GIT1: variants seen among roughly 807,000 people sequenced by gnomAD.
GIT1 encodes the protein ARF GTPase-activating protein GIT1.
A neutral mutation model predicts 91.7 loss-of-function variants in GIT1; 14 were observed. The ratio of observed to expected loss-of-function variants is 0.15; its 90% CI spans 0.10 to 0.24. The LOEUF is 0.24. GIT1 is among the 10% of genes least tolerant of loss of function. The pLI, the probability that GIT1 is intolerant of heterozygous loss-of-function variation, is 1.00. For missense variants in GIT1, 717 were observed against 1,024.9 expected, an observed-to-expected ratio of 0.70 and a Z score of 4.10; for synonymous variants, 414 against 418.2, an observed-to-expected ratio of 0.99 and a Z score of 0.12.
At chr17:29,579,062 G>T in intron 7 of GIT1, 2 of 1,357,822 alleles carry the variant, frequency 1.5e-6, no homozygotes, top group Non-Finnish European at 2.1e-6. Context: ...GGCAGCACAC[G>T]CCTTTTCACA....
chr17:29,578,844 C>T, intron 7 of GIT1, 65 bp from the exon 8 acceptor site: 1 of 1,570,488 alleles, frequency 6.4e-7, no homozygotes, highest in Non-Finnish European at 8.8e-7. Flanking sequence ...CAGGCCCATG[C>T]CAGCAACCTC....
In GIT1 at chr17:29,582,070, G is replaced by T. The variant is rs371785841; in HGVS notation, c.480C>A (p.Asn160Lys). ...TGGTGCCCTTCTCTGGGTGGAAGAA[G>T]TTGGCCTGGGCACCCAGGGAGAGCA... Reference protein sequence around the residue: ...LRLLSLGAQANFFHPEKGTTP... With the variant: ...LRLLSLGAQAKFFHPEKGTTP... The change falls in exon 5 of 20, where the codon AAC becomes AAA. Residue 160 changes from asparagine to lysine, a missense_variant. By Grantham distance (94) the Asn-to-Lys change is moderately conservative (BLOSUM62 0). Transcript: ENST00000225394. The T allele has an allele frequency of 1.6e-5, 25 of 1,608,888 alleles. No individual in the cohort carries two copies. The highest frequency in any genetic ancestry group is 2.0e-5 in the Non-Finnish European group (24 of 1,179,910).
rs1424817143 is a variant in GIT1, at chr17:29,582,147, A to G, written c.406-3T>C. 6 of 1,557,258 alleles carry G rather than the reference A, an allele frequency of 3.9e-6. No homozygotes were observed. The highest frequency in any genetic ancestry group is 5.2e-6 in the Non-Finnish European group (6 of 1,158,678). ...GTCCGCACGCTCGAGTGTAGTTGCT[A>G]AGAGGAGCAGAGTGTGCAGTGAATA... On this transcript the variant is annotated splice_polypyrimidine_tract_variant and splice_region_variant and intron_variant, in intron 4 of 19. Coordinates refer to ENST00000225394, the MANE Select transcript of GIT1 (RefSeq NM_014030.4).
intron 7 of GIT1, among the ~76,000 whole-genome samples, chr17:29,579,638 ATGGTAGGAGGATCGTTTGAGGCTG>A (rs1281858835): frequency 6.6e-6 from 1 of 151,834 alleles, no homozygotes; most frequent in East Asian, 1.9e-4. Flanking sequence ...TCAAGAGGCT[ATGGTAGGAGGATCGTTTGAGGCTG>A]TGGTAAGCTA....
intron 7 of GIT1, chr17:29,579,258 C>T: frequency 1.9e-6 from 1 of 515,040 alleles, no homozygotes; most frequent in South Asian, 2.8e-5. Flanking sequence ...TAGTGAAGCT[C>T]CCCAGGTTCC....
Position 29,575,988 on chromosome 17 carries a change from C to T in GIT1, c.1665+90G>A, listed in dbSNP as rs2033180908. On this transcript the variant is annotated intron_variant, in intron 15 of 19. Transcript: ENST00000225394. The surrounding 1 kb of genome is among the most constrained non-coding windows in gnomAD (Gnocchi z 5.5). ...GCAGCAGGGACCAGGTCAGTCTAAT[C>T]ATCTTAAGCCCCGAATTCAGCACAG... 6.5e-7 allele frequency: 1 copy of T among 1,549,746 alleles called. No individual in the cohort carries two copies. Among genetic ancestry groups the T allele is most frequent in the African/African-American group, 1.4e-5 (1 of 73,590 alleles).
At chr17:29,576,199 T>A (rs2033191794) in intron 14 of GIT1, 21 bp downstream of exon 14, 1 of 1,605,442 alleles carries the variant, frequency 6.2e-7, no homozygotes, top group South Asian at 1.1e-5. Context: ...CCCCACACCT[T>A]GAGACCCATA....
At position 29,576,561 on chromosome 17, in the gene GIT1, G is replaced by T; in HGVS notation, c.1341C>A (p.Asn447Lys). ...TCCGGAGCTCGTCGCTCAGGCTACT[G>T]TTGACCTTCATGAGCTGCTGCACCT... is the stretch of plus-strand genomic sequence containing the variant. Reference protein sequence around the residue: ...EAKVQQLMKVNSSLSDELRRL... With the variant: ...EAKVQQLMKVKSSLSDELRRL... The change falls in exon 13 of 20, where the codon AAC becomes AAA. Residue 447 changes from asparagine to lysine, a missense_variant. Asn to Lys is a moderately conservative substitution (Grantham distance 94, BLOSUM62 0). This residue lies in a region of GIT1 where 312 missense variants were observed against 349.5 expected (regional missense o/e 0.89). Transcript: ENST00000225394. 6.2e-7 allele frequency: 1 copy of T among 1,614,006 alleles called. No homozygotes were observed. Among genetic ancestry groups the T allele is most frequent in the Non-Finnish European group, 8.5e-7 (1 of 1,180,010 alleles).
chr17:29,574,768 G>A lies in GIT1; in HGVS notation c.2220C>T (p.Cys740=), dbSNP rs138063413. 12 of 1,613,354 alleles carry A rather than the reference G, an allele frequency of 7.4e-6. No homozygotes were observed. Among genetic ancestry groups the A allele is most frequent in the Admixed American group, 1.7e-5 (1 of 59,988 alleles). Residue 740 remains cysteine, a synonymous_variant, in exon 20 of 20, where the codon TGC becomes TGT. Transcript: ENST00000225394. ...TGGCAGCCTTGGCGATGTCATAGGCGCACTGGATCACCTGCTGAGTCAGCA... is the reference window on the plus strand; with the variant it reads ...TGGCAGCCTTGGCGATGTCATAGGCACACTGGATCACCTGCTGAGTCAGCA... ...FQLLTQQVIQ[C]AYDIAKAAKQ...
chr17:29,586,920 C>G (rs2033612815), intron 1 of GIT1, among the ~76,000 whole-genome samples: 1 of 152,196 alleles, frequency 6.6e-6, no homozygotes. Flanking sequence ...CATGTCATGT[C>G]CAGCTGCCTA....
rs2033085358 is a variant in GIT1 at position 29,573,983 on chromosome 17, T to TC, written c.*718dup. The TC allele has an allele frequency of 6.6e-6, 1 of 152,424 alleles. No individual in the cohort carries two copies. Among genetic ancestry groups the TC allele is most frequent in the African/African-American group, 2.4e-5 (1 of 41,398 alleles). The allele number at this position is 152,424 out of a possible 1,614,324, so 9.4% of individuals were successfully genotyped here. ...GAAGGGAAGCTGATCCCCATGCTGG[T>TC]CCCACTGCTCTGGTCCCCTCACCCC... On this transcript the variant is annotated 3_prime_UTR_variant, in exon 20 of 20. Transcript: ENST00000225394.
rs2033075507 is a variant in GIT1 at position 29,573,801 on chromosome 17, C to G, written c.*901G>C. 1 of 152,674 alleles carries G rather than the reference C, an allele frequency of 6.5e-6. No individual in the cohort carries two copies. Among genetic ancestry groups the G allele is most frequent in the Non-Finnish European group, 1.5e-5 (1 of 68,180 alleles). 9.5% of individuals were successfully genotyped at this position (152,674 alleles called of 1,614,324 possible). A position where few individuals can be genotyped will look rare whatever the true frequency, so the allele number is the denominator to read the frequency against. ...TCAGGTGCTCAGTCCTCCACCCTAG[C>G]CAGCACACATTCCCCCTCCACGCAG... On this transcript the variant is annotated 3_prime_UTR_variant, in exon 20 of 20. Coordinates refer to ENST00000225394, the MANE Select transcript of GIT1 (RefSeq NM_014030.4).
Position 29,589,373 on chromosome 17 carries a change from G to C in GIT1, c.6C>G (p.Ser2=). The C allele has an allele frequency of 9.3e-7, 1 of 1,077,726 alleles. No homozygotes were observed. Among genetic ancestry groups the C allele is most frequent in the Non-Finnish European group, 1.1e-6 (1 of 879,618 alleles). The allele number at this position is 1,077,726 out of a possible 1,614,324, so 66.8% of individuals were successfully genotyped here. A position where few individuals can be genotyped will look rare whatever the true frequency, so the allele number is the denominator to read the frequency against. Residue 2 remains serine (S), a synonymous_variant, in exon 1 of 20, where the codon TCC becomes TCG. Transcript: ENST00000225394. This position sits in a 1 kb window ranked among gnomAD's most constrained non-coding sequence, Gnocchi z 5.2. ...ACACCTCCGCTCGCGGCCCCTTTCG[G>C]GACATCCTCAGCGGCGACGCGGCCG... The part of the protein sequence containing the change: M[S]RKGPRAEVCA...
At position 29,576,269 on chromosome 17, in the gene GIT1, C is replaced by A. The variant is rs1037614240; in HGVS notation, c.1562G>T (p.Gly521Val). The change falls in exon 14 of 20, where the codon GGC (glycine) becomes GTC (valine). Residue 521 changes from glycine (G) to valine (V), a missense_variant. This residue lies in a region of GIT1 where 312 missense variants were observed against 349.5 expected (regional missense o/e 0.89). Coordinates refer to ENST00000225394, the MANE Select transcript of GIT1 (RefSeq NM_014030.4). ...CGTAGTGAGCTCGTCCCCAGGGGGG[C>A]CCCCAAAGGGCTTCAGGGCAGAGCC... The part of the protein sequence containing the change: ...EPGSALKPFG[G>V]PPGDELTTRL... 6 of 1,610,118 alleles carry A rather than the reference C, an allele frequency of 3.7e-6. No individual in the cohort carries two copies. The highest frequency in any genetic ancestry group is 5.1e-6 in the Non-Finnish European group (6 of 1,177,824).
chr17:29,579,096 C>T lies in GIT1; in HGVS notation c.762-317G>A. On this transcript the variant is annotated intron_variant, in intron 7 of 19. Coordinates refer to ENST00000225394, the MANE Select transcript of GIT1 (RefSeq NM_014030.4). ...CATCAGGCCCAGACCCATCTCCACG[C>T]ACACCCGGCCCAGAAGGGACAAAGC... 3.3e-6 allele frequency: 3 copies of T among 920,862 alleles called. No individual in the cohort carries two copies. The South Asian group carries it at 4.1e-5, about 13-fold the overall frequency. The allele number at this position is 920,862 out of a possible 1,614,324, so 57.0% of individuals were successfully genotyped here. A position where few individuals can be genotyped will look rare whatever the true frequency, so the allele number is the denominator to read the frequency against.
In GIT1 at chr17:29,581,239, G is replaced by T; in HGVS notation, c.761+99C>A. The stretch of plus-strand genomic sequence containing the variant: ...CTCTAGTCTCTGGGGGGAGGGAGCA[G>T]GGTCCTAGGCCTCTGAAACCTGGGC... On this transcript the variant is annotated intron_variant, in intron 7 of 19. Coordinates refer to ENST00000225394, the MANE Select transcript of GIT1 (RefSeq NM_014030.4). The surrounding 1 kb of genome is among the most constrained non-coding windows in gnomAD (Gnocchi z 4.8). 1 of 845,052 alleles carries T rather than the reference G, an allele frequency of 1.2e-6. No homozygotes were observed. The allele number at this position is 845,052 out of a possible 1,614,324, so 52.3% of individuals were successfully genotyped here.
chr17:29,577,586 T>C, intron 10 of GIT1, 59 bp downstream of exon 10: 7 of 1,107,496 alleles, frequency 6.3e-6, no homozygotes. Flanking sequence ...CACTGCCGGA[T>C]GAGGAGGGAC....
chr17:29,580,708 G>A (rs1001456607), intron 7 of GIT1, among the ~76,000 whole-genome samples: 70 of 152,030 alleles, frequency 4.6e-4, no homozygotes, highest in African/African-American at 1.5e-3. Flanking sequence ...AAGACAGTGG[G>A]GTCGGTGCCA....
chr17:29,582,759 G>A lies in GIT1; in HGVS notation c.344C>T (p.Ala115Val). The A allele has an allele frequency of 6.2e-7, 1 of 1,613,728 alleles. No homozygotes were observed. The highest frequency in any genetic ancestry group is 8.5e-7 in the Non-Finnish European group (1 of 1,179,968). The stretch of plus-strand genomic sequence containing the variant: ...CCGGCAGGGAAGCTTGTGCACAAAT[G>A]CCAGCATCTGGTACTTGGCCCTGAT... ...EFIRAKYQML[A>V]FVHKLPCRDD... The change falls in exon 4 of 20, where the codon GCA becomes GTA. Residue 115 changes from alanine (A) to valine (V), a missense_variant. By Grantham distance (64) the Ala-to-Val change is moderately conservative. Transcript: ENST00000225394.
Sources: gnomAD v4.1 joint callset for allele counts (sites outside exome capture counted in the v4.1 genomes callset) on GRCh38, gnomAD v4.1.1 for gene constraint, gnomAD v4.1.1 regional missense constraint, Gnocchi (gnomAD v3.1) non-coding constraint, MANE v1.5 for transcripts, NCBI Gene and HGNC (gene_info 2026-07-23, HGNC 2026-07-21) for gene names.